EYS: variants seen among roughly 807,000 people sequenced by gnomAD.
The protein encoded by EYS is protein eyes shut homolog.
A neutral mutation model predicts 282.1 loss-of-function variants in EYS; 250 were observed. The ratio of observed to expected loss-of-function variants is 0.89; its 90% CI spans 0.80 to 0.98. The LOEUF (loss-of-function observed/expected upper bound fraction) is 0.98, where lower values mean the gene tolerates loss of function less well. Ranked by LOEUF, EYS falls within the 50% of genes least tolerant of loss-of-function variation. The pLI is 0.00. For missense variants in EYS, 4,016 were observed against 3,709.0 expected (o/e 1.08, Z -2.15); for synonymous variants, 1,355 against 1,282.9 (o/e 1.06, Z -1.20).
At chr6:64,047,274 A>G (rs556260161) in intron 33 of EYS, among the ~76,000 whole-genome samples, 1 of 152,284 alleles carries the variant, frequency 6.6e-6, no homozygotes, top group East Asian at 1.9e-4. Flanking sequence ...AGGAGACCAG[A>G]GGTTGTTATT....
At chr6:64,302,616 T>C (rs939990470) in intron 30 of EYS, among the ~76,000 whole-genome samples, 5 of 141,034 alleles carry the variant, frequency 3.5e-5, no homozygotes, top group Admixed American at 3.5e-4. Flanking sequence ...CAACATTCCA[T>C]AAGCATCTCA....
intron 22 of EYS, among the ~76,000 whole-genome samples, chr6:64,690,562 A>T (rs1770341692): frequency 6.6e-6 from 1 of 152,206 alleles, no homozygotes; most frequent in South Asian, 2.1e-4. Flanking sequence ...ATGATAGCAA[A>T]GACTTGGAAT....
chr6:65,168,836 A>AT (rs1204092735), intron 12 of EYS, among the ~76,000 whole-genome samples: 3 of 151,316 alleles, frequency 2.0e-5, no homozygotes, highest in Non-Finnish European at 4.4e-5. Context: ...CTCTTCCTCA[A>AT]TTTTTTAAAG....
At chr6:65,488,091 G>A (rs1297343326) in intron 5 of EYS, among the ~76,000 whole-genome samples, 1 of 151,912 alleles carries the variant, frequency 6.6e-6, no homozygotes, top group Non-Finnish European at 1.5e-5. Context: ...CTGGCTAGTG[G>A]TATATCTATT....
At chr6:64,455,416 T>A (rs1335630400) in intron 26 of EYS, among the ~76,000 whole-genome samples, 1 of 150,674 alleles carries the variant, frequency 6.6e-6, no homozygotes, top group Non-Finnish European at 1.5e-5. Flanking sequence ...GAGTTTAAAG[T>A]TTTCTGTTCT....
At chr6:65,543,238 G>GCTCCCGACCTCA (rs201482230) in intron 2 of EYS, among the ~76,000 whole-genome samples, 2 of 150,810 alleles carry the variant, frequency 1.3e-5, no homozygotes, top group African/African-American at 4.9e-5. Context: ...AGGCTGGTCA[G>GCTCCCGACCTCA]GATGAACAAC....
At chr6:63,944,386 C>T (rs907736973) in intron 35 of EYS, among the ~76,000 whole-genome samples, 10 of 152,176 alleles carry the variant, frequency 6.6e-5, no homozygotes, top group Non-Finnish European at 1.2e-4. Flanking sequence ...CGAAAGTGTA[C>T]GACATGCTTT....
chr6:65,395,351 C>G (rs2150359455), intron 7 of EYS, among the ~76,000 whole-genome samples: 1 of 152,350 alleles, frequency 6.6e-6, no homozygotes, highest in Middle Eastern at 3.4e-3. Context: ...GCGTGAGCCA[C>G]TGCGCCCAGC....
At chr6:64,447,390 A>G (rs771603114) in intron 26 of EYS, among the ~76,000 whole-genome samples, 21 of 152,178 alleles carry the variant, frequency 1.4e-4, no homozygotes, top group Non-Finnish European at 2.6e-4. Flanking sequence ...AAGTAGGAAA[A>G]TTAGCATTTA....
At chr6:64,149,178 GC>G (rs1468346215) in intron 31 of EYS, among the ~76,000 whole-genome samples, 1 of 152,144 alleles carries the variant, frequency 6.6e-6, no homozygotes, top group African/African-American at 2.4e-5. Flanking sequence ...CTGAAGCTTA[GC>G]TAAGTATAAT....
chr6:65,373,573 T>G (rs1328312290), intron 8 of EYS, among the ~76,000 whole-genome samples: 1 of 152,070 alleles, frequency 6.6e-6, no homozygotes, highest in South Asian at 2.1e-4. Context: ...TTTTTACAAG[T>G]GGATAAATAC....
intron 30 of EYS, among the ~76,000 whole-genome samples, chr6:64,276,357 T>C (rs1768115541): frequency 6.6e-6 from 1 of 152,200 alleles, no homozygotes; most frequent in African/African-American, 2.4e-5. Flanking sequence ...GGGTTAAAAT[T>C]AGAAAATCTG....
chr6:65,449,786 G>A (rs1036435667), intron 5 of EYS, among the ~76,000 whole-genome samples: 18 of 151,742 alleles, frequency 1.2e-4, no homozygotes, highest in Admixed American at 5.9e-4. Flanking sequence ...TCCACCTTCT[G>A]TTCTTCAATT....
chr6:65,118,988 T>C (rs893905995), intron 12 of EYS, among the ~76,000 whole-genome samples: 1 of 151,894 alleles, frequency 6.6e-6, no homozygotes, highest in African/African-American at 2.4e-5. Context: ...AAATGTTAAA[T>C]ATATTAAATA....
At chr6:63,742,279 G>C (rs1449420862) in intron 41 of EYS, among the ~76,000 whole-genome samples, 1 of 151,974 alleles carries the variant, frequency 6.6e-6, no homozygotes, top group Non-Finnish European at 1.5e-5. Flanking sequence ...GTGCACCTCT[G>C]TTCCCCAGCT....
intron 2 of EYS, among the ~76,000 whole-genome samples, chr6:65,509,695 AT>A (rs1454484102): frequency 6.6e-6 from 1 of 152,124 alleles, no homozygotes; most frequent in Admixed American, 6.6e-5. Context: ...AGCTCTTAAG[AT>A]TTTCATTTGA....
At chr6:64,163,156 C>G (rs936763319) in intron 31 of EYS, among the ~76,000 whole-genome samples, 42 of 151,856 alleles carry the variant, frequency 2.8e-4, no homozygotes, top group African/African-American at 9.9e-4. Context: ...GGTAAAAAAG[C>G]CTATTAGCCT....
chr6:64,221,586 T>A (rs887060089), intron 31 of EYS, among the ~76,000 whole-genome samples: 1 of 152,126 alleles, frequency 6.6e-6, no homozygotes, highest in African/African-American at 2.4e-5. Flanking sequence ...GATATTACAG[T>A]AGTTTTTCCT....
intron 29 of EYS, among the ~76,000 whole-genome samples, chr6:64,363,839 T>C (rs909750738): frequency 6.6e-6 from 1 of 151,912 alleles, no homozygotes; most frequent in African/African-American, 2.4e-5. Context: ...CATATTAAAA[T>C]GTACAGTATA....
Sources: allele counts gnomAD v4.1 joint callset (sites outside exome capture counted in the v4.1 genomes callset), GRCh38; gene constraint gnomAD v4.1.1; transcripts MANE v1.5; gene names NCBI Gene and HGNC (gene_info 2026-07-23, HGNC 2026-07-21).